Variants in WASL observed in about 807,000 individuals in gnomAD.
WASL encodes actin nucleation-promoting factor WASL.
Under a neutral mutation model 55.5 loss-of-function variants are expected in WASL, and 20 were observed. The observed-to-expected ratio is 0.36, with a 90% CI of 0.25 to 0.52. The LOEUF (loss-of-function observed/expected upper bound fraction) is 0.52. Among genes scored for constraint, WASL ranks in the 20% least tolerant of loss-of-function variants. The pLI, the probability that WASL is intolerant of heterozygous loss-of-function variation, is 0.92. For synonymous variants in WASL, 249 were observed against 217.6 expected, an observed-to-expected ratio of 1.14 and a Z score of -1.27; for missense variants, 504 against 622.5, an observed-to-expected ratio of 0.81 and a Z score of 2.03.
In WASL at chr7:123,692,820, G is replaced by C; in HGVS notation, c.874C>G (p.Pro292Ala). The C allele has an allele frequency of 7.1e-7, 1 of 1,398,760 alleles. No homozygotes were observed. Among genetic ancestry groups the C allele is most frequent in the African/African-American group, 1.5e-5 (1 of 68,710 alleles). 86.6% of individuals were successfully genotyped at this position (1,398,760 alleles called of 1,614,324 possible). Residue 292 changes from proline to alanine, a missense_variant, in exon 9 of 11, where the codon CCC becomes GCC. Pro to Ala is a conservative substitution (Grantham distance 27, BLOSUM62 -1). This residue lies in a region of WASL where 201 missense variants were observed against 206.2 expected (regional missense o/e 0.97). Coordinates refer to ENST00000223023, the MANE Select transcript of WASL (RefSeq NM_003941.4). ...GGAGGACCTGAGTTGTGTGGAGGGG[G>C]AGGAGGAGGAGGTGGCCCTCCCCTT... is the stretch of plus-strand genomic sequence containing the variant. ...PSRGGPPPPP[P>A]PPHNSGPPPP...
intron 1 of WASL, among the ~76,000 whole-genome samples, chr7:123,715,963 T>C (rs1222711512): frequency 6.6e-6 from 1 of 152,176 alleles, no homozygotes; most frequent in African/African-American, 2.4e-5. Context: ...GGGTTATATT[T>C]GCAAATGGGT....
intron 1 of WASL, among the ~76,000 whole-genome samples, chr7:123,710,014 T>C (rs1803731070): frequency 6.6e-6 from 1 of 152,152 alleles, no homozygotes; most frequent in Non-Finnish European, 1.5e-5. Context: ...TTCAGGGCAT[T>C]AGGATTTTCC....
intron 1 of WASL, among the ~76,000 whole-genome samples, chr7:123,740,231 C>A (rs1237859109): frequency 6.6e-6 from 1 of 151,622 alleles, no homozygotes; most frequent in Non-Finnish European, 1.5e-5. Flanking sequence ...ATATATATAT[C>A]TTTCATTTGA....
rs181079276 is a variant in WASL, at chr7:123,725,346, A to C, written c.118-16123T>G. On this transcript the variant is annotated intron_variant, in intron 1 of 10. Transcript: ENST00000223023. Reference sequence around the variant, plus strand: ...CTATGAAAATACGGAACAGACTTTTAAACTCAAGATGCTAATAATCTGTTT... The same window carrying C: ...CTATGAAAATACGGAACAGACTTTTCAACTCAAGATGCTAATAATCTGTTT... Among the ~76,000 whole-genome samples the C allele has an allele frequency of 1.0e-3, 154 of 152,300 alleles. 1 individual carries two copies. In the Middle Eastern group the frequency reaches 0.014, roughly 13 times the overall value.
intron 5 of WASL, among the ~76,000 whole-genome samples, chr7:123,700,189 A>C (rs1268269542): frequency 1.8e-5 from 2 of 113,168 alleles, no homozygotes; most frequent in East Asian, 2.6e-4. Flanking sequence ...AAAAAAAAAA[A>C]AAAAAAAAAA....
rs1179632643 is a variant in WASL, at chr7:123,745,949, C to T, written c.117+2669G>A. Among the ~76,000 whole-genome samples the T allele has an allele frequency of 6.6e-5, 10 of 152,206 alleles. No individual in the cohort carries two copies. In the East Asian group the frequency reaches 1.5e-3, roughly 24 times the overall value. Reference sequence around the variant, plus strand: ...TCTCCCACCATTCTCTCCTTTAATCCCCTAAACCTTTATAAAAATAGTTTC... The same window carrying T: ...TCTCCCACCATTCTCTCCTTTAATCTCCTAAACCTTTATAAAAATAGTTTC... On this transcript the variant is annotated intron_variant, in intron 1 of 10. Transcript: ENST00000223023.
intron 1 of WASL, among the ~76,000 whole-genome samples, chr7:123,727,353 T>TCGCTCACACACACA (rs1554406247): frequency 6.8e-5 from 10 of 147,818 alleles, no homozygotes; most frequent in Admixed American, 2.7e-4. Flanking sequence ...AAAATATGTG[T>TCGCTCACACACACA]CACACACACA....
intron 10 of WASL, 113 bp from the exon 11 acceptor site, chr7:123,684,693 A>G: frequency 3.7e-6 from 1 of 268,348 alleles, no homozygotes; most frequent in Non-Finnish European, 4.8e-6. Context: ...TGTGACTCCC[A>G]GAAGAATCTA....
rs777800143 is a variant in WASL, at chr7:123,692,720, G to A, written c.974C>T (p.Pro325Leu). ...SRAPTAAPPP[P>L]PPSRPSVAVP... ...TGCTACACTTGGCCTGGAAGGAGGC[G>A]GTGGTGGAGGTGCAGCTGTGGGAGC... Residue 325 changes from proline (P) to leucine (L), a missense_variant, in exon 9 of 11, where the codon CCG (proline) becomes CTG (leucine). By Grantham distance (98) the Pro-to-Leu change is moderately conservative (BLOSUM62 -3). Transcript: ENST00000223023. 57 of 1,516,558 alleles carry A rather than the reference G, an allele frequency of 3.8e-5. 1 individual carries two copies. Among genetic ancestry groups the A allele is most frequent in the Non-Finnish European group, 4.7e-5 (53 of 1,134,972 alleles). The allele number at this position is 1,516,558 out of a possible 1,614,324, so 93.9% of individuals were successfully genotyped here.
intron 6 of WASL, 114 bp downstream of exon 6, chr7:123,696,465 A>G: frequency 3.1e-6 from 3 of 982,114 alleles, no homozygotes; most frequent in Non-Finnish European, 4.1e-6. Context: ...TATCCAAGTG[A>G]TGAATGTACA....
At chr7:123,706,854 G>C in intron 2 of WASL, 28 bp from the exon 3 acceptor site, 2 of 1,361,000 alleles carry the variant, frequency 1.5e-6, no homozygotes, top group South Asian at 1.4e-5. Context: ...ATTAAAATAA[G>C]AACTACCAAA....
At chr7:123,744,448 A>G (rs998485343) in intron 1 of WASL, among the ~76,000 whole-genome samples, 2 of 152,226 alleles carry the variant, frequency 1.3e-5, no homozygotes, top group Non-Finnish European at 1.5e-5. Context: ...CATAAAGTCT[A>G]TCTCCAAGAA....
Position 123,684,259 on chromosome 7 carries a change from G to A in WASL, c.*260C>T, listed in dbSNP as rs1803250056. ...ATAGTATTTAAACTCCCTTGTTGAT[G>A]GAATGAAAAATATTCACAAATCAAG... On this transcript the variant is annotated 3_prime_UTR_variant, in exon 11 of 11. Coordinates refer to ENST00000223023, the MANE Select transcript of WASL (RefSeq NM_003941.4). The A allele has an allele frequency of 5.6e-6, 1 of 179,850 alleles. No homozygotes were observed. Among genetic ancestry groups the A allele is most frequent in the African/African-American group, 2.4e-5 (1 of 42,090 alleles). 11.1% of individuals were successfully genotyped at this position (179,850 alleles called of 1,614,324 possible).
intron 5 of WASL, among the ~76,000 whole-genome samples, chr7:123,697,087 T>C (rs1419199641): frequency 6.6e-6 from 1 of 152,014 alleles, no homozygotes; most frequent in African/African-American, 2.4e-5. Flanking sequence ...TGCTCAACAG[T>C]AAAGTGAAAC....
intron 1 of WASL, among the ~76,000 whole-genome samples, chr7:123,736,187 C>A (rs1804225189): frequency 1.3e-5 from 2 of 151,922 alleles, no homozygotes; most frequent in African/African-American, 4.8e-5. Flanking sequence ...AAATTTCTTT[C>A]AAGAACTGGG....
At chr7:123,744,353 G>A (rs1208926083) in intron 1 of WASL, among the ~76,000 whole-genome samples, 2 of 152,078 alleles carry the variant, frequency 1.3e-5, no homozygotes, top group Admixed American at 6.5e-5. Flanking sequence ...AAAAATAAAC[G>A]AGTAATTATA....
intron 1 of WASL, among the ~76,000 whole-genome samples, chr7:123,711,290 A>C (rs753318188): frequency 1.1e-4 from 16 of 152,180 alleles, no homozygotes; most frequent in East Asian, 3.8e-4. Context: ...CAAAACAAAA[A>C]AAAACCCAAA....
intron 1 of WASL, among the ~76,000 whole-genome samples, chr7:123,722,133 T>C (rs1803959879): frequency 6.6e-6 from 1 of 152,180 alleles, no homozygotes; most frequent in Non-Finnish European, 1.5e-5. Flanking sequence ...GTTAAAAATG[T>C]TGTCTCTCAA....
intron 1 of WASL, among the ~76,000 whole-genome samples, chr7:123,731,181 C>CAT (rs920319279): frequency 8.6e-5 from 13 of 151,922 alleles, no homozygotes; most frequent in Admixed American, 4.6e-4. Context: ...TACATACATA[C>CAT]ATATATATAT....
Sources: gnomAD v4.1 joint callset for allele counts (sites outside exome capture counted in the v4.1 genomes callset) on GRCh38, gnomAD v4.1.1 for gene constraint, gnomAD v4.1.1 regional missense constraint, MANE v1.5 for transcripts, NCBI Gene and HGNC (gene_info 2026-07-23, HGNC 2026-07-21) for gene names.